The following CDC14B variants were observed in gnomAD, a reference collection of about 807,000 sequenced individuals.
CDC14B encodes cell division cycle 14B.
A neutral mutation model predicts 64.2 loss-of-function variants in CDC14B; 22 were observed. The observed-to-expected ratio is 0.34, with a 90% CI of 0.24 to 0.49. The LOEUF is 0.49. Among genes scored for constraint, CDC14B ranks in the 20% least tolerant of loss-of-function variants. The probability of loss-of-function intolerance (pLI) is 0.99; values close to 1 mark genes in which losing one functional copy is unlikely to be tolerated. For missense variants in CDC14B, 498 were observed against 629.9 expected (o/e 0.79, Z 2.24); for synonymous variants, 191 against 215.8 (o/e 0.89, Z 1.01).
rs149857428 is a variant in CDC14B, at chr9:96,523,687, T to C, written c.985A>G (p.Ile329Val). ...GRTGTLIACY[I>V]MKHYRMTAAE... ...GCTGTCATCCTGTAATGCTTCATGA[T>C]GTAGCAGGCTATCAGAGTGCCCGTG... Residue 329 changes from isoleucine to valine, a missense_variant, in exon 10 of 14, where the codon ATC becomes GTC. By Grantham distance (29) the Ile-to-Val change is conservative (BLOSUM62 3). Transcript: ENST00000375241. 1.5e-5 allele frequency: 25 copies of C among 1,613,970 alleles called. No homozygotes were observed. In the Admixed American group the frequency reaches 2.8e-4, roughly 18 times the overall value.
At chr9:96,536,015 C>T (rs911157902) in intron 7 of CDC14B, among the ~76,000 whole-genome samples, 13 of 152,176 alleles carry the variant, frequency 8.5e-5, no homozygotes, top group Admixed American at 5.9e-4. Context: ...ATAACAAACC[C>T]GTGATCAGTT....
At chr9:96,495,840 T>C (rs973579634), downstream of CDC14B, among the ~76,000 whole-genome samples, 2 of 152,162 alleles carry the variant, frequency 1.3e-5, no homozygotes, top group Non-Finnish European at 2.9e-5. Flanking sequence ...GATTGATGAA[T>C]AGACCCTGCC....
chr9:96,492,861 T>C (rs1564173876), exon 14 of CDC14B: 1 of 152,310 alleles, frequency 6.6e-6, no homozygotes, highest in Non-Finnish European at 1.5e-5. Context: ...AGAGGCAGGC[T>C]GGACACACTG....
intron 9 of CDC14B, among the ~76,000 whole-genome samples, chr9:96,530,595 T>C (rs1440695950): frequency 1.3e-5 from 2 of 151,914 alleles, no homozygotes; most frequent in Non-Finnish European, 2.9e-5. Flanking sequence ...TTTTCTATAA[T>C]ACATATAAGT....
intron 12 of CDC14B, among the ~76,000 whole-genome samples, 163 bp downstream of exon 12, chr9:96,522,343 C>G (rs1836861666): frequency 6.6e-6 from 1 of 152,152 alleles, no homozygotes; most frequent in Non-Finnish European, 1.5e-5. Context: ...CAGCTGAGAG[C>G]TTCCAAGGCC....
intron 4 of CDC14B, 104 bp from the exon 5 acceptor site, chr9:96,551,976 T>C (rs1841903340): frequency 1.4e-6 from 2 of 1,397,428 alleles, no homozygotes; most frequent in Non-Finnish European, 1.9e-6. Context: ...CTGAGCAGGG[T>C]TCTCCAGCCT....
chr9:96,515,171 G>A lies in CDC14B; in HGVS notation c.1344-5382C>T, dbSNP rs1005855280. 6.6e-6 allele frequency among the ~76,000 whole-genome samples: 1 copy of A among 152,176 alleles called. No individual in the cohort carries two copies. The highest frequency in any genetic ancestry group is 6.5e-5 in the Admixed American group (1 of 15,272). Reference sequence around the variant, plus strand: ...GAGCTGCTGTACAATGGCAGATTTCGAGGCTACAAAATCACATATTTAATG... The same window carrying A: ...GAGCTGCTGTACAATGGCAGATTTCAAGGCTACAAAATCACATATTTAATG... On this transcript the variant is annotated intron_variant, in intron 12 of 13. Transcript: ENST00000375241. The surrounding 1 kb of genome is among the most constrained non-coding windows in gnomAD (Gnocchi z 4.3).
At chr9:96,543,994 G>A (rs1277231789) in intron 5 of CDC14B, among the ~76,000 whole-genome samples, 2 of 152,122 alleles carry the variant, frequency 1.3e-5, no homozygotes, top group African/African-American at 2.4e-5. Context: ...CGAGGCAGGT[G>A]GATCACGAGG....
At chr9:96,596,526 C>T (rs1452066855) in intron 1 of CDC14B, among the ~76,000 whole-genome samples, 1 of 151,922 alleles carries the variant, frequency 6.6e-6, no homozygotes, top group Non-Finnish European at 1.5e-5. Flanking sequence ...GAAGGCACAG[C>T]ATTAGAAACT....
In CDC14B at chr9:96,503,148, G is replaced by A. The variant is rs577692719; in HGVS notation, c.*605C>T. 2 of 346,530 alleles carry A rather than the reference G, an allele frequency of 5.8e-6. No individual in the cohort carries two copies. The highest frequency in any genetic ancestry group is 4.2e-5 in the East Asian group (1 of 23,762). 21.5% of individuals were successfully genotyped at this position (346,530 alleles called of 1,614,324 possible). A position where few individuals can be genotyped will look rare whatever the true frequency, so the allele number is the denominator to read the frequency against. On this transcript the variant is annotated 3_prime_UTR_variant, in exon 14 of 14. Coordinates refer to ENST00000375241, the MANE Select transcript of CDC14B (RefSeq NM_033331.4). ...CCACCTGGTCTTACAACATGCAACA[G>A]TGTTTAAATGTGATTTTCACAGATT...
At chr9:96,548,497 T>C (rs1841319530) in intron 5 of CDC14B, among the ~76,000 whole-genome samples, 1 of 151,708 alleles carries the variant, frequency 6.6e-6, no homozygotes, top group South Asian at 2.1e-4. Flanking sequence ...CACACACACA[T>C]ACATACACAC....
At chr9:96,514,306 GAGA>G in intron 12 of CDC14B, 2 of 519,776 alleles carry the variant, frequency 3.8e-6, no homozygotes, top group Non-Finnish European at 4.9e-6. Context: ...GGAACAGTTT[GAGA>G]AGAATAACTC....
At chr9:96,493,837 C>G (rs1833147919) in intron 13 of CDC14B, among the ~76,000 whole-genome samples, 1 of 152,188 alleles carries the variant, frequency 6.6e-6, no homozygotes, top group Admixed American at 6.5e-5. Context: ...AAAAAAAGTG[C>G]AGAACTGCCT....
chr9:96,596,364 C>CAAA (rs113025946), intron 1 of CDC14B, among the ~76,000 whole-genome samples: 74 of 74,026 alleles, frequency 1.0e-3, no homozygotes, highest in African/African-American at 2.4e-3. Context: ...GACTCCATCT[C>CAAA]AAAAAAAAAA....
chr9:96,605,515 G>A (rs995847640), intron 1 of CDC14B, among the ~76,000 whole-genome samples: 1 of 152,114 alleles, frequency 6.6e-6, no homozygotes, highest in Non-Finnish European at 1.5e-5. Flanking sequence ...GTAGTAACCT[G>A]CCTGATAATG....
chr9:96,610,117 A>C (rs1478879526), intron 1 of CDC14B, among the ~76,000 whole-genome samples: 1 of 152,120 alleles, frequency 6.6e-6, no homozygotes, highest in Non-Finnish European at 1.5e-5. Flanking sequence ...ACACACACAC[A>C]CACCCATTCA....
At chr9:96,618,507 G>A (rs767444730) in intron 1 of CDC14B, 1 of 533,414 alleles carries the variant, frequency 1.9e-6, no homozygotes, top group Non-Finnish European at 3.8e-6. Flanking sequence ...GCTCTGGCTG[G>A]CTGGGATTTC....
chr9:96,616,054 G>A (rs1204234787), intron 1 of CDC14B, among the ~76,000 whole-genome samples: 4 of 152,124 alleles, frequency 2.6e-5, no homozygotes, highest in African/African-American at 7.2e-5. Flanking sequence ...AGCTGCGGGC[G>A]GTGGCTCACG....
intron 4 of CDC14B, among the ~76,000 whole-genome samples, chr9:96,554,625 G>C (rs1359461713): frequency 6.6e-6 from 1 of 152,142 alleles, no homozygotes; most frequent in Non-Finnish European, 1.5e-5. Flanking sequence ...GTTGGGGAAT[G>C]CTGGCACATA....
Sources: allele counts gnomAD v4.1 joint callset (sites outside exome capture counted in the v4.1 genomes callset), GRCh38; gene constraint gnomAD v4.1.1; non-coding constraint Gnocchi (gnomAD v3.1); transcripts MANE v1.5; gene names NCBI Gene and HGNC (gene_info 2026-07-23, HGNC 2026-07-21).